The following C8A variants were observed in gnomAD, a reference collection of about 807,000 sequenced individuals.
C8A encodes complement component C8 alpha chain.
In C8A, 67 loss-of-function variants were observed where a neutral mutation model predicts 65.3. The observed-to-expected ratio is 1.03, with a 90% CI of 0.84 to 1.26. The LOEUF is 1.26. Among genes scored for constraint, C8A ranks in the 50% most tolerant of loss-of-function variants. The pLI, the probability that C8A is intolerant of heterozygous loss-of-function variation, is 0.00. For synonymous variants in C8A, 290 were observed against 259.4 expected, an observed-to-expected ratio of 1.12 and a Z score of -1.13; for missense variants, 781 against 723.9, an observed-to-expected ratio of 1.08 and a Z score of -0.90.
chr1:56,870,730 T>C (rs913103023), intron 2 of C8A, among the ~76,000 whole-genome samples: 7 of 151,028 alleles, frequency 4.6e-5, no homozygotes, highest in East Asian at 3.9e-4. Context: ...GACAATGACT[T>C]GCAGTTTAAA....
chr1:56,858,202 C>T (rs1011449283), intron 1 of C8A, among the ~76,000 whole-genome samples: 11 of 152,004 alleles, frequency 7.2e-5, no homozygotes, highest in African/African-American at 2.4e-4. Flanking sequence ...ATTTCTGTTT[C>T]GTTGGTCTTT....
chr1:56,855,036 T>A (rs1643960057), intron 1 of C8A, 58 bp downstream of exon 1: 9 of 1,261,212 alleles, frequency 7.1e-6, no homozygotes, highest in East Asian at 2.3e-5. Context: ...GCTGGGGAAC[T>A]AAGACACTTT....
intron 1 of C8A, among the ~76,000 whole-genome samples, chr1:56,859,827 C>T (rs905280075): frequency 5.3e-5 from 8 of 152,036 alleles, no homozygotes; most frequent in African/African-American, 1.2e-4. Flanking sequence ...TTTGGGAGGA[C>T]GAGGCAGGTG....
intron 2 of C8A, among the ~76,000 whole-genome samples, chr1:56,872,905 A>AAAAAG (rs1553174298): frequency 6.6e-6 from 1 of 151,918 alleles, no homozygotes; most frequent in Admixed American, 6.6e-5. Context: ...GAGGAAAAAA[A>AAAAAG]AAAGAAAGAA....
At chr1:56,902,503 T>A (rs1325034759) in intron 7 of C8A, among the ~76,000 whole-genome samples, 2 of 152,198 alleles carry the variant, frequency 1.3e-5, no homozygotes, top group Non-Finnish European at 2.9e-5. Flanking sequence ...AATTTTATTA[T>A]GGTAAAAATA....
chr1:56,918,164 G>T lies in C8A; in HGVS notation c.*448G>T. ...TCATAGAAACATTATTAATTGGTAG[G>T]GTAAGCAGACACTCTGAAACAATGA... On this transcript the variant is annotated 3_prime_UTR_variant, in exon 11 of 11. Coordinates refer to ENST00000361249, the MANE Select transcript of C8A (RefSeq NM_000562.3). 6.0e-6 allele frequency: 1 copy of T among 167,066 alleles called. No homozygotes were observed. The highest frequency in any genetic ancestry group is 1.3e-5 in the Non-Finnish European group (1 of 77,338). 10.3% of individuals were successfully genotyped at this position (167,066 alleles called of 1,614,324 possible). A position where few individuals can be genotyped will look rare whatever the true frequency, so the allele number is the denominator to read the frequency against.
chr1:56,855,241 C>A (rs943230117), intron 1 of C8A, among the ~76,000 whole-genome samples: 2 of 152,094 alleles, frequency 1.3e-5, no homozygotes, highest in Admixed American at 6.5e-5. Flanking sequence ...TCCTTAGTTT[C>A]CCTAGCTGTA....
chr1:56,906,877 C>A, intron 8 of C8A, 85 bp downstream of exon 8: 1 of 1,534,136 alleles, frequency 6.5e-7, no homozygotes, highest in Non-Finnish European at 9.0e-7. Flanking sequence ...TATTTTTTTT[C>A]CCAGTTGATT....
At chr1:56,916,135 C>A (rs553716289) in intron 10 of C8A, among the ~76,000 whole-genome samples, 1 of 152,128 alleles carries the variant, frequency 6.6e-6, no homozygotes, top group South Asian at 2.1e-4. Flanking sequence ...CACCTGCACA[C>A]GTGGTGGGTA....
intron 7 of C8A, among the ~76,000 whole-genome samples, chr1:56,902,145 G>T (rs774608432): frequency 8.5e-5 from 13 of 152,146 alleles, no homozygotes; most frequent in Admixed American, 1.3e-4. Flanking sequence ...CCTCAGCTTG[G>T]TCTCCTGCAA....
intron 6 of C8A, among the ~76,000 whole-genome samples, chr1:56,885,112 C>T (rs1334666215): frequency 1.3e-5 from 2 of 151,404 alleles, no homozygotes; most frequent in African/African-American, 4.9e-5. Flanking sequence ...TAGTAGCTCA[C>T]CCAGGTGAGA....
At chr1:56,881,309 G>A in intron 4 of C8A, 136 bp from the exon 5 acceptor site, 1 of 842,074 alleles carries the variant, frequency 1.2e-6, no homozygotes, top group East Asian at 2.5e-5. Context: ...TAAGTTCAGG[G>A]GTACATGCGC....
chr1:56,905,234 C>T (rs900939472), intron 7 of C8A, among the ~76,000 whole-genome samples: 1 of 152,140 alleles, frequency 6.6e-6, no homozygotes, highest in African/African-American at 2.4e-5. Context: ...AAACTGATAT[C>T]CAAAGAGGCA....
chr1:56,888,157 A>G (rs1644315949), intron 7 of C8A, among the ~76,000 whole-genome samples: 1 of 152,172 alleles, frequency 6.6e-6, no homozygotes, highest in African/African-American at 2.4e-5. Context: ...TGTTAGTATT[A>G]TCTTCCTTAT....
In C8A at chr1:56,878,967, C is replaced by T. The variant is rs534489842; in HGVS notation, c.465-2478C>T. ...ACTTAATAGTAGAGTTTTAAGTTTT[C>T]CCCCAAATTTTCTATCTCTTTTTAA... On this transcript the variant is annotated intron_variant, in intron 4 of 10. Coordinates refer to ENST00000361249, the MANE Select transcript of C8A (RefSeq NM_000562.3). 9.2e-5 allele frequency among the ~76,000 whole-genome samples: 14 copies of T among 152,254 alleles called. No homozygotes were observed. The East Asian group carries it at 1.4e-3, about 15-fold the overall frequency.
chr1:56,900,044 C>T lies in C8A; in HGVS notation c.1097-6623C>T, dbSNP rs116675382. On this transcript the variant is annotated intron_variant, in intron 7 of 10. Coordinates refer to ENST00000361249, the MANE Select transcript of C8A (RefSeq NM_000562.3). ...AGAAGAGTCAGAGCCTCTGAAGAAC[C>T]CTTATCAAGTAGGAGGAAGACATGG... 2.2e-3 allele frequency among the ~76,000 whole-genome samples: 335 copies of T among 152,220 alleles called. 2 individuals carry two copies. The highest frequency in any genetic ancestry group is 7.4e-3 in the African/African-American group (307 of 41,556).
rs1236518518 is a variant in C8A at position 56,885,370 on chromosome 1, T to TTACATAAATA, written c.856-555_856-554insCATAAATATA. Among the ~76,000 whole-genome samples the TTACATAAATA allele has an allele frequency of 7.3e-3, 500 of 68,378 alleles. 27 individuals carry two copies. Among genetic ancestry groups the TTACATAAATA allele is most frequent in the African/African-American group, 0.05 (424 of 8,556 alleles). 44.9% of individuals were successfully genotyped at this position (68,378 alleles called of 152,430 possible). On this transcript the variant is annotated intron_variant, in intron 6 of 10. Coordinates refer to ENST00000361249, the MANE Select transcript of C8A (RefSeq NM_000562.3). ...AATATATATTTATGTAAATATATATTTATATTTATTTAAATATATATTTAA... is the reference window on the plus strand; with the variant it reads ...AATATATATTTATGTAAATATATATTTACATAAATATATATTTATTTAAATATATATTTAA...
rs756435034 is a variant in C8A at position 56,876,051 on chromosome 1, C to G, written c.317-11C>G. 5.5e-5 allele frequency: 88 copies of G among 1,612,844 alleles called. No homozygotes were observed. Among genetic ancestry groups the G allele is most frequent in the Non-Finnish European group, 7.4e-5 (87 of 1,179,602 alleles). On this transcript the variant is annotated splice_polypyrimidine_tract_variant and intron_variant, in intron 3 of 10. Coordinates refer to ENST00000361249, the MANE Select transcript of C8A (RefSeq NM_000562.3). ...GGAACCCGAGGAGCAGCCACAGTCT[C>G]TTCTCTCCAGGTCGCTGCCTGAAAC...
chr1:56,876,351 A>T, intron 4 of C8A, 142 bp downstream of exon 4: 1 of 978,714 alleles, frequency 1.0e-6, no homozygotes, highest in Non-Finnish European at 1.6e-6. Flanking sequence ...GTCCCCAGAG[A>T]TGGCTTGTCC....
Sources: allele counts gnomAD v4.1 joint callset (sites outside exome capture counted in the v4.1 genomes callset), GRCh38; gene constraint gnomAD v4.1.1; transcripts MANE v1.5; gene names NCBI Gene and HGNC (gene_info 2026-07-23, HGNC 2026-07-21).